The following ZNF462 variants were observed in gnomAD, a reference collection of about 807,000 sequenced individuals.
The protein encoded by ZNF462 is zinc finger protein 462, also known as zinc finger PBX1-interacting protein.
ZNF462 carries 10 observed loss-of-function variants against 201.9 expected under a neutral mutation model. That is an observed-to-expected ratio of 0.05 (90% CI 0.03 to 0.08). ZNF462 has a LOEUF of 0.08. ZNF462 is among the 10% of genes least tolerant of loss of function. The probability of loss-of-function intolerance (pLI) is 1.00; values close to 1 mark genes in which losing one functional copy is unlikely to be tolerated. For missense variants in ZNF462, 2,523 were observed against 3,168.3 expected (o/e 0.80, Z 4.89); for synonymous variants, 1,227 against 1,193.3 (o/e 1.03, Z -0.58).
intron 7 of ZNF462, among the ~76,000 whole-genome samples, chr9:106,961,700 G>T (rs1020500797): frequency 9.2e-5 from 14 of 151,998 alleles, no homozygotes; most frequent in African/African-American, 3.4e-4. Context: ...ATTTCAAAGA[G>T]ATCATAGTCT....
rs151106730 is a variant in ZNF462 at position 106,880,486 on chromosome 9, C to A, written c.-31+17131C>A. On this transcript the variant is annotated intron_variant, in intron 1 of 12. Transcript: ENST00000277225. The surrounding 1 kb of genome is among the most constrained non-coding windows in gnomAD (Gnocchi z 4.1). ...AGAAGTCCAAGGCTCCATTTCATCC[C>A]GTGTAAAACACTCATCTAAAATTAG... is the stretch of plus-strand genomic sequence containing the variant. 6.6e-6 allele frequency among the ~76,000 whole-genome samples: 1 copy of A among 152,174 alleles called. No individual in the cohort carries two copies. The highest frequency in any genetic ancestry group is 1.5e-5 in the Non-Finnish European group (1 of 68,036).
At position 106,984,087 on chromosome 9, in the gene ZNF462, C is replaced by G; in HGVS notation, c.6833-99C>G. On this transcript the variant is annotated intron_variant, in intron 9 of 12. Coordinates refer to ENST00000277225, the MANE Select transcript of ZNF462 (RefSeq NM_021224.6). The surrounding 1 kb of genome is among the most constrained non-coding windows in gnomAD (Gnocchi z 6.4). ...TTCAAGGAACCAGATCCACGAGGAG[C>G]AGCAAGATTGGGTGAGTTTCTTCTT... is the stretch of plus-strand genomic sequence containing the variant. 1 of 1,114,472 alleles carries G rather than the reference C, an allele frequency of 9.0e-7. No individual in the cohort carries two copies. The highest frequency in any genetic ancestry group is 1.3e-6 in the Non-Finnish European group (1 of 769,870). 69.0% of individuals were successfully genotyped at this position (1,114,472 alleles called of 1,614,324 possible). A position where few individuals can be genotyped will look rare whatever the true frequency, so the allele number is the denominator to read the frequency against.
Position 106,930,542 on chromosome 9 carries a change from A to G in ZNF462, c.5865A>G (p.Glu1955=), listed in dbSNP as rs778547343. 1.2e-6 allele frequency: 2 copies of G among 1,614,158 alleles called. No homozygotes were observed. The highest frequency in any genetic ancestry group is 3.3e-5 in the Admixed American group (2 of 60,026). The change falls in exon 4 of 13, where the codon GAA becomes GAG. Residue 1955 remains glutamate (E), a synonymous_variant. Transcript: ENST00000277225. This position sits in a 1 kb window ranked among gnomAD's most constrained non-coding sequence, Gnocchi z 5.8. ...TTTACCAGCCTTTTGGTCACTTAGA[A>G]GAGGTGCCAAAGATCAAGGAGAGGA... is the stretch of plus-strand genomic sequence containing the variant. The part of the protein sequence containing the change: ...FKQERPFGHL[E]EVPKIKERKV...
At chr9:106,973,894 A>G (rs1826782153) in intron 8 of ZNF462, among the ~76,000 whole-genome samples, 1 of 152,114 alleles carries the variant, frequency 6.6e-6, no homozygotes, top group East Asian at 1.9e-4. Flanking sequence ...TTTTCAAACT[A>G]AGCTCTGAAC....
intron 7 of ZNF462, among the ~76,000 whole-genome samples, chr9:106,953,222 C>T (rs1276812153): frequency 6.6e-6 from 1 of 152,182 alleles, no homozygotes. Context: ...TTTATTGAAA[C>T]CACTTTCATG....
rs780037036 is a variant in ZNF462 at position 106,968,135 on chromosome 9, A to G, written c.6428-3870A>G. On this transcript the variant is annotated intron_variant, in intron 7 of 12. Transcript: ENST00000277225. The surrounding 1 kb of genome is among the most constrained non-coding windows in gnomAD (Gnocchi z 4.0). ...GGTCACCATTGAGAACAGATGCCTA[A>G]GACACAAGACTCAGACTTTATAATC... 6.6e-6 allele frequency among the ~76,000 whole-genome samples: 1 copy of G among 152,180 alleles called. No homozygotes were observed. The highest frequency in any genetic ancestry group is 1.5e-5 in the Non-Finnish European group (1 of 68,032).
In ZNF462 at chr9:106,924,793, C is replaced by A; in HGVS notation, c.881C>A (p.Pro294His). ...NLPDVPNKSA[P>H]SPTSNSTYLT... ...CCTGATGTGCCGAACAAGAGTGCCC[C>A]CAGCCCCACTTCCAACTCCACCTAT... The change falls in exon 3 of 13, where the codon CCC becomes CAC. Residue 294 changes from proline to histidine, a missense_variant. By Grantham distance (77) the Pro-to-His change is moderately conservative. Coordinates refer to ENST00000277225, the MANE Select transcript of ZNF462 (RefSeq NM_021224.6). The surrounding 1 kb of genome is among the most constrained non-coding windows in gnomAD (Gnocchi z 6.2). The A allele has an allele frequency of 6.2e-7, 1 of 1,614,136 alleles. No individual in the cohort carries two copies. Among genetic ancestry groups the A allele is most frequent in the Non-Finnish European group, 8.5e-7 (1 of 1,180,034 alleles).
At position 107,013,226 on chromosome 9, in the gene ZNF462, TA is replaced by T. The variant is rs1830024669; in HGVS notation, c.*2201del. ...GGATTTTGTTTTGCTAACCTGTTAA[TA>T]AAAATATGGGACCATTATCCTTTTA... On this transcript the variant is annotated 3_prime_UTR_variant, in exon 13 of 13. Transcript: ENST00000277225. 1 of 152,208 alleles carries T rather than the reference TA, an allele frequency of 6.6e-6. No individual in the cohort carries two copies. The highest frequency in any genetic ancestry group is 1.5e-5 in the Non-Finnish European group (1 of 68,008). 9.4% of individuals were successfully genotyped at this position (152,208 alleles called of 1,614,324 possible).
chr9:106,943,066 G>GTGTGTGTGTGTA, intron 7 of ZNF462, among the ~76,000 whole-genome samples: 1 of 150,424 alleles, frequency 6.6e-6, no homozygotes, highest in Admixed American at 6.9e-5. Context: ...GCGCGTGTGT[G>GTGTGTGTGTGTA]TGTGTGTGTG....
chr9:106,896,933 C>T (rs1828837503), intron 1 of ZNF462, among the ~76,000 whole-genome samples: 1 of 152,210 alleles, frequency 6.6e-6, no homozygotes, highest in South Asian at 2.1e-4. Flanking sequence ...AGTGATCACA[C>T]ACCCACACAT....
Position 106,972,240 on chromosome 9 carries a change from G to A in ZNF462, c.6663G>A (p.Lys2221=), listed in dbSNP as rs1345597063. The part of the protein sequence containing the change: ...RDKHGGKKLF[K]CKDCSFYTGF... Reference sequence around the variant, plus strand: ...AGCATGGTGGGAAGAAGCTTTTCAAGTGCAAAGACTGCTCCTTTTACACAG... The same window carrying A: ...AGCATGGTGGGAAGAAGCTTTTCAAATGCAAAGACTGCTCCTTTTACACAG... The change falls in exon 8 of 13, where the codon AAG becomes AAA. Residue 2221 remains lysine (K), a synonymous_variant. Coordinates refer to ENST00000277225, the MANE Select transcript of ZNF462 (RefSeq NM_021224.6). This position sits in a 1 kb window ranked among gnomAD's most constrained non-coding sequence, Gnocchi z 4.8. The A allele has an allele frequency of 6.2e-7, 1 of 1,614,218 alleles. No homozygotes were observed. The highest frequency in any genetic ancestry group is 1.7e-5 in the Admixed American group (1 of 60,026).
chr9:107,011,359 C>T lies in ZNF462; in HGVS notation c.*329C>T, dbSNP rs914988149. On this transcript the variant is annotated 3_prime_UTR_variant, in exon 13 of 13. Coordinates refer to ENST00000277225, the MANE Select transcript of ZNF462 (RefSeq NM_021224.6). This position sits in a 1 kb window ranked among gnomAD's most constrained non-coding sequence, Gnocchi z 5.6. ...GGTGGTCTTGGACAGTATGTGGAAACAGAAGCTCCATGACGGTAGAAGACT... is the reference window on the plus strand; with the variant it reads ...GGTGGTCTTGGACAGTATGTGGAAATAGAAGCTCCATGACGGTAGAAGACT... 6 of 214,184 alleles carry T rather than the reference C, an allele frequency of 2.8e-5. No homozygotes were observed. The highest frequency in any genetic ancestry group is 9.3e-6 in the Non-Finnish European group (1 of 107,346). 13.3% of individuals were successfully genotyped at this position (214,184 alleles called of 1,614,324 possible). A position where few individuals can be genotyped will look rare whatever the true frequency, so the allele number is the denominator to read the frequency against.
intron 10 of ZNF462, among the ~76,000 whole-genome samples, chr9:107,001,946 G>A (rs1433736603): frequency 6.6e-6 from 1 of 152,066 alleles, no homozygotes; most frequent in African/African-American, 2.4e-5. Context: ...CCTCCTGAAT[G>A]CTACCTATCT....
At chr9:106,936,050 C>T (rs1830617377) in intron 6 of ZNF462, among the ~76,000 whole-genome samples, 1 of 152,200 alleles carries the variant, frequency 6.6e-6, no homozygotes, top group Non-Finnish European at 1.5e-5. Context: ...TGAGATTTTT[C>T]AAGAGATACC....
rs139691415 is a variant in ZNF462 at position 106,928,016 on chromosome 9, C to A, written c.4104C>A (p.Thr1368=). Residue 1368 remains threonine (T), a synonymous_variant, in exon 3 of 13, where the codon ACC becomes ACA. Transcript: ENST00000277225. This position sits in a 1 kb window ranked among gnomAD's most constrained non-coding sequence, Gnocchi z 9.3. ...TCACAATGCCAGCCGAAGCCAAAAC[C>A]TACAGATGCAGGGACTGTGTTTTCG... ...PSLTMPAEAK[T]YRCRDCVFEA... 6.2e-7 allele frequency: 1 copy of A among 1,614,218 alleles called. No individual in the cohort carries two copies. The highest frequency in any genetic ancestry group is 1.7e-5 in the Admixed American group (1 of 60,032).
chr9:106,898,383 T>C (rs1320477366), intron 1 of ZNF462, among the ~76,000 whole-genome samples: 1 of 152,112 alleles, frequency 6.6e-6, no homozygotes, highest in Non-Finnish European at 1.5e-5. Flanking sequence ...GAGAAAGTGG[T>C]ACTCAATTGG....
chr9:106,944,943 G>C (rs1203379450), intron 7 of ZNF462, among the ~76,000 whole-genome samples: 1 of 152,126 alleles, frequency 6.6e-6, no homozygotes, highest in Non-Finnish European at 1.5e-5. Context: ...AGTAGCCATA[G>C]ACAATATGTA....
At chr9:106,907,884 C>CAG (rs1251163711) in intron 1 of ZNF462, among the ~76,000 whole-genome samples, 1 of 151,768 alleles carries the variant, frequency 6.6e-6, no homozygotes, top group African/African-American at 2.4e-5. Context: ...TTGCTTTTAC[C>CAG]AGATTCCATA....
In ZNF462 at chr9:106,928,251, G is replaced by T. The variant is rs779980040; in HGVS notation, c.4339G>T (p.Asp1447Tyr). ...GGAGCAGGAAGCTGAATGTCCAGAG[G>T]ATGCAAGACTGTCCCCTGAGAAAAG... ...FPEQEAECPE[D>Y]ARLSPEKSLQ... The change falls in exon 3 of 13, where the codon GAT (aspartate) becomes TAT (tyrosine). Residue 1447 changes from aspartate to tyrosine, a missense_variant. Around this residue, in one of 15 missense-constraint regions of ZNF462, gnomAD observed 165 missense variants for 142.6 expected, o/e 1.16. Coordinates refer to ENST00000277225, the MANE Select transcript of ZNF462 (RefSeq NM_021224.6). This position sits in a 1 kb window ranked among gnomAD's most constrained non-coding sequence, Gnocchi z 9.3. The T allele has an allele frequency of 4.3e-6, 7 of 1,613,804 alleles. No individual in the cohort carries two copies. The African/African-American group carries it at 9.4e-5, about 22-fold the overall frequency.
Sources: gnomAD v4.1 joint callset for allele counts (sites outside exome capture counted in the v4.1 genomes callset) on GRCh38, gnomAD v4.1.1 for gene constraint, gnomAD v4.1.1 regional missense constraint, Gnocchi (gnomAD v3.1) non-coding constraint, MANE v1.5 for transcripts, NCBI Gene and HGNC (gene_info 2026-07-23, HGNC 2026-07-21) for gene names.